Variants in ADCY8 observed in about 807,000 individuals in gnomAD.
ADCY8 encodes adenylate cyclase 8.
A neutral mutation model predicts 119.7 loss-of-function variants in ADCY8; 51 were observed. That is an observed-to-expected ratio of 0.43 (90% CI 0.34 to 0.54). ADCY8 has a LOEUF of 0.54. ADCY8 is among the 20% of genes least tolerant of loss of function. ADCY8 has a pLI of 0.03. For synonymous variants in ADCY8, 665 were observed against 651.0 expected (o/e 1.02, Z -0.33); for missense variants, 1,383 against 1,598.8 (o/e 0.87, Z 2.30).
intron 11 of ADCY8, among the ~76,000 whole-genome samples, chr8:130,847,138 GA>G (rs1465553111): frequency 1.3e-5 from 2 of 152,026 alleles, no homozygotes; most frequent in African/African-American, 4.8e-5. Context: ...AAGGAAAGGT[GA>G]AAAGGAAGAA....
At chr8:131,037,606 G>A (rs1215577579) in intron 1 of ADCY8, among the ~76,000 whole-genome samples, 1 of 152,002 alleles carries the variant, frequency 6.6e-6, no homozygotes, top group Non-Finnish European at 1.5e-5. Context: ...GCTTTATCGT[G>A]AAAACAACTC....
At chr8:130,865,084 G>C (rs1356011273) in intron 9 of ADCY8, among the ~76,000 whole-genome samples, 1 of 152,028 alleles carries the variant, frequency 6.6e-6, no homozygotes, top group Non-Finnish European at 1.5e-5. Flanking sequence ...CTTGATATGG[G>C]CTTCCCTAAG....
At chr8:130,843,384 C>G (rs1365182572) in intron 11 of ADCY8, among the ~76,000 whole-genome samples, 1 of 152,162 alleles carries the variant, frequency 6.6e-6, no homozygotes, top group African/African-American at 2.4e-5. Context: ...AGGTTTTTCT[C>G]TCTATGCAAC....
rs192161843 is a variant in ADCY8, at chr8:130,930,227, A to G, written c.1481+6846T>C. On this transcript the variant is annotated intron_variant, in intron 5 of 17. Transcript: ENST00000286355. ...CCTCTGAGGTTAAGTGATTTTCACTAGTGTTATATTTGGATTCCTTCTTCT... is the reference window on the plus strand; with the variant it reads ...CCTCTGAGGTTAAGTGATTTTCACTGGTGTTATATTTGGATTCCTTCTTCT... 2.0e-4 allele frequency among the ~76,000 whole-genome samples: 30 copies of G among 151,366 alleles called. 1 individual carries two copies. In the East Asian group the frequency reaches 3.9e-3, roughly 20 times the overall value.
At chr8:130,992,799 T>C (rs1244634373) in intron 1 of ADCY8, among the ~76,000 whole-genome samples, 1 of 148,284 alleles carries the variant, frequency 6.7e-6, no homozygotes, top group African/African-American at 2.5e-5. Flanking sequence ...TATAATTGGA[T>C]TCTCAGAAGG....
rs943613395 is a variant in ADCY8, at chr8:130,795,144, C to A, written c.3060+5282G>T. ...AAAAGTAGACTGGAAGAGGCGATGT[C>A]CGCATATACTGGGGCACAGAACTAG... On this transcript the variant is annotated intron_variant, in intron 15 of 17. Transcript: ENST00000286355. 2.0e-5 allele frequency among the ~76,000 whole-genome samples: 3 copies of A among 152,238 alleles called. No homozygotes were observed. The East Asian group carries it at 5.8e-4, about 29-fold the overall frequency.
intron 11 of ADCY8, among the ~76,000 whole-genome samples, chr8:130,839,330 C>T (rs1432472556): frequency 7.1e-6 from 1 of 139,962 alleles, no homozygotes; most frequent in Admixed American, 7.3e-5. Context: ...CCCATTCCAT[C>T]TAAAGGAATC....
intron 15 of ADCY8, among the ~76,000 whole-genome samples, chr8:130,792,905 C>G (rs1311100349): frequency 6.6e-6 from 1 of 152,194 alleles, no homozygotes; most frequent in Non-Finnish European, 1.5e-5. Context: ...ATTTGGCACT[C>G]TGGCCCTTCT....
Position 130,834,452 on chromosome 8 carries a change from G to A in ADCY8, c.2675+1825C>T, listed in dbSNP as rs1330342673. Among the ~76,000 whole-genome samples the A allele has an allele frequency of 5.3e-5, 8 of 152,288 alleles. No individual in the cohort carries two copies. The East Asian group carries it at 7.7e-4, about 15-fold the overall frequency. On this transcript the variant is annotated intron_variant, in intron 12 of 17. Transcript: ENST00000286355. ...GACCACTGCTTGTAAGAGGAAAATC[G>A]TGTCAGTCACATTGGAGAGCAATTT...
intron 9 of ADCY8, among the ~76,000 whole-genome samples, chr8:130,862,386 G>A (rs1306933043): frequency 6.6e-6 from 1 of 151,970 alleles, no homozygotes; most frequent in Non-Finnish European, 1.5e-5. Flanking sequence ...GGTAAGTTGT[G>A]TTTTCATTTT....
chr8:131,020,446 C>A (rs967750726), intron 1 of ADCY8, among the ~76,000 whole-genome samples: 1 of 152,120 alleles, frequency 6.6e-6, no homozygotes, highest in Non-Finnish European at 1.5e-5. Context: ...GGGATGCCTT[C>A]TGAGCTTTCT....
chr8:130,787,079 T>G (rs1815270326), intron 15 of ADCY8, among the ~76,000 whole-genome samples: 2 of 150,916 alleles, frequency 1.3e-5, no homozygotes, highest in African/African-American at 2.4e-5. Flanking sequence ...CTGAGAGAGG[T>G]AGTGGGGGCC....
At chr8:130,856,006 G>A (rs987888886) in intron 9 of ADCY8, among the ~76,000 whole-genome samples, 1 of 151,856 alleles carries the variant, frequency 6.6e-6, no homozygotes, top group East Asian at 1.9e-4. Flanking sequence ...CAGTCACAAC[G>A]CCTCAATGAA....
At chr8:130,937,554 T>C (rs1036339024) in intron 4 of ADCY8, among the ~76,000 whole-genome samples, 1 of 152,134 alleles carries the variant, frequency 6.6e-6, no homozygotes, top group African/African-American at 2.4e-5. Context: ...CCCCAAGCAA[T>C]GTCTCTCTTC....
chr8:131,003,485 C>T (rs1397728275), intron 1 of ADCY8, among the ~76,000 whole-genome samples: 3 of 152,128 alleles, frequency 2.0e-5, no homozygotes, highest in Admixed American at 6.5e-5. Flanking sequence ...GAGTGTTTTG[C>T]AGCCTGACTT....
intron 14 of ADCY8, among the ~76,000 whole-genome samples, chr8:130,807,321 T>C (rs1475514053): frequency 6.6e-6 from 1 of 152,224 alleles, no homozygotes; most frequent in Non-Finnish European, 1.5e-5. Flanking sequence ...TTCATGTCAT[T>C]CAGGTCTCTG....
intron 1 of ADCY8, among the ~76,000 whole-genome samples, chr8:131,019,837 CTG>C (rs763269226): frequency 0.035 from 3,427 of 97,054 alleles, 64 homozygotes; most frequent in African/African-American, 0.084. Context: ...CTCTCTCTCT[CTG>C]TCTGTCTCTC....
At chr8:130,815,123 A>G (rs988545512) in intron 13 of ADCY8, among the ~76,000 whole-genome samples, 2 of 152,166 alleles carry the variant, frequency 1.3e-5, no homozygotes, top group African/African-American at 4.8e-5. Flanking sequence ...CCACATGCAC[A>G]CACTAAAAAA....
intron 15 of ADCY8, among the ~76,000 whole-genome samples, chr8:130,793,977 G>T (rs2130084113): frequency 6.6e-6 from 1 of 152,338 alleles, no homozygotes; most frequent in South Asian, 2.1e-4. Context: ...GGTCATATTA[G>T]ATTAGGGTGA....
Sources: gnomAD v4.1 joint callset for allele counts (sites outside exome capture counted in the v4.1 genomes callset) on GRCh38, gnomAD v4.1.1 for gene constraint, MANE v1.5 for transcripts, NCBI Gene and HGNC (gene_info 2026-07-23, HGNC 2026-07-21) for gene names.